Variants in SCEL observed in about 807,000 individuals in gnomAD.
SCEL encodes sciellin.
Under a neutral mutation model 117.6 loss-of-function variants are expected in SCEL, and 113 were observed. The ratio of observed to expected loss-of-function variants is 0.96; its 90% CI spans 0.83 to 1.12. SCEL has a LOEUF of 1.12. SCEL is among the 50% of genes most tolerant of loss of function. The pLI, the probability that SCEL is intolerant of heterozygous loss-of-function variation, is 0.00. For synonymous variants in SCEL, 270 were observed against 256.2 expected (o/e 1.05, Z -0.51); for missense variants, 785 against 810.8 (o/e 0.97, Z 0.39).
At chr13:77,553,894 G>A (rs79382226) in intron 1 of SCEL, among the ~76,000 whole-genome samples, 1,540 of 152,206 alleles carry the variant, frequency 0.01, 14 homozygotes, top group Non-Finnish European at 0.016. Flanking sequence ...GACACAGTCA[G>A]TAAACAGCAT....
intron 13 of SCEL, 108 bp from the exon 14 acceptor site, chr13:77,599,221 C>A: frequency 1.3e-6 from 1 of 741,814 alleles, no homozygotes; most frequent in East Asian, 2.7e-5. Flanking sequence ...TCATCTTCCC[C>A]AACAAGCTTC....
intron 3 of SCEL, among the ~76,000 whole-genome samples, chr13:77,559,537 A>G (rs946607949): frequency 1.3e-5 from 2 of 152,144 alleles, no homozygotes; most frequent in Non-Finnish European, 2.9e-5. Context: ...ACACAACACA[A>G]CACAACACAA....
At chr13:77,562,849 C>G (rs535087718) in intron 4 of SCEL, among the ~76,000 whole-genome samples, 1 of 152,292 alleles carries the variant, frequency 6.6e-6, no homozygotes, top group Admixed American at 6.5e-5. Context: ...TATGCCACAT[C>G]AACTTTAAAA....
intron 1 of SCEL, among the ~76,000 whole-genome samples, chr13:77,541,787 T>G (rs75354288): frequency 0.065 from 9,847 of 152,260 alleles, 565 homozygotes; most frequent in African/African-American, 0.16. Flanking sequence ...ATGTTCTAAA[T>G]ATAGTGAGAA....
rs1192487358 is a variant in SCEL, at chr13:77,628,162, A to ATG, written c.1691+161_1691+162dup. On this transcript the variant is annotated intron_variant, in intron 28 of 32. Transcript: ENST00000349847. ...TGTGTATGTATATGTGTGTATATAT[A>ATG]TGTGTGTGTATATATATATATATAT... Among the ~76,000 whole-genome samples, 178 of 89,938 alleles carry ATG rather than the reference A, an allele frequency of 2.0e-3. 3 individuals carry two copies. Among genetic ancestry groups the ATG allele is most frequent in the Middle Eastern group, 0.013 (2 of 160 alleles). 59.0% of individuals were successfully genotyped at this position (89,938 alleles called of 152,430 possible).
At chr13:77,600,098 T>G (rs983403700) in intron 15 of SCEL, 1 of 200,848 alleles carries the variant, frequency 5.0e-6, no homozygotes, top group African/African-American at 2.3e-5. Flanking sequence ...ACATTTATAT[T>G]AAGGCATTTA....
chr13:77,570,821 C>G (rs1001610810), intron 8 of SCEL, among the ~76,000 whole-genome samples: 1 of 152,104 alleles, frequency 6.6e-6, no homozygotes, highest in African/African-American at 2.4e-5. Flanking sequence ...AATATTTTTA[C>G]TTGTCAGAGT....
Position 77,637,151 on chromosome 13 carries a change from A to C in SCEL, c.1795A>C (p.Ile599Leu). The part of the protein sequence containing the change: ...KSPKDGYQEN[I>L]SGKYIQTVYS... ...ACCCAAGGATGGATATCAGGAGAAT[A>C]TCTCTGGAAAATACATACAAACTGT... Residue 599 changes from isoleucine (I) to leucine (L), a missense_variant, in exon 30 of 33, where the codon ATC becomes CTC. Transcript: ENST00000349847. 1 of 1,559,952 alleles carries C rather than the reference A, an allele frequency of 6.4e-7. No individual in the cohort carries two copies. Among genetic ancestry groups the C allele is most frequent in the Non-Finnish European group, 8.7e-7 (1 of 1,153,978 alleles).
At chr13:77,564,970 A>C (rs535595614) in intron 5 of SCEL, among the ~76,000 whole-genome samples, 1 of 152,352 alleles carries the variant, frequency 6.6e-6, no homozygotes, top group South Asian at 2.1e-4. Flanking sequence ...ACAGCGGTGC[A>C]TAGAGAAGAG....
intron 1 of SCEL, among the ~76,000 whole-genome samples, chr13:77,539,089 A>G (rs7320719): frequency 0.34 from 51,599 of 152,006 alleles, 8,913 homozygotes; most frequent in African/African-American, 0.42. Context: ...AAAGAAATTT[A>G]TATACAAATG....
At chr13:77,628,413 C>T (rs1204364540) in intron 28 of SCEL, among the ~76,000 whole-genome samples, 2 of 151,922 alleles carry the variant, frequency 1.3e-5, no homozygotes, top group Non-Finnish European at 2.9e-5. Context: ...GAATCTCTTC[C>T]TTGGATGCCT....
At chr13:77,641,230 C>T (rs2090543579) in intron 31 of SCEL, among the ~76,000 whole-genome samples, 1 of 152,158 alleles carries the variant, frequency 6.6e-6, no homozygotes. Flanking sequence ...CTTTTGAGAG[C>T]ATAATTAGTG....
intron 23 of SCEL, 68 bp from the exon 24 acceptor site, chr13:77,613,825 T>C: frequency 8.3e-7 from 1 of 1,211,760 alleles, no homozygotes; most frequent in Middle Eastern, 1.9e-4. Context: ...ATTGAATGAC[T>C]TGCACCTGTC....
At chr13:77,607,516 C>A (rs946289516) in intron 19 of SCEL, among the ~76,000 whole-genome samples, 7 of 152,128 alleles carry the variant, frequency 4.6e-5, no homozygotes, top group African/African-American at 1.7e-4. Context: ...TTATAAGTAC[C>A]AGAAGCAATT....
rs1307772767 is a variant in SCEL, at chr13:77,613,775, GGA to G, written c.1389-117_1389-116del. On this transcript the variant is annotated intron_variant, in intron 23 of 32. Transcript: ENST00000349847. ...AAATGGTAACTAATATATATAAATT[GGA>G]AACTCAGTAAACTTATGAGTTCTTA... The G allele has an allele frequency of 2.3e-5, 18 of 783,038 alleles. 1 individual carries two copies. The highest frequency in any genetic ancestry group is 1.5e-4 in the South Asian group (10 of 65,062). 48.5% of individuals were successfully genotyped at this position (783,038 alleles called of 1,614,324 possible).
chr13:77,543,804 C>G (rs189107540), intron 1 of SCEL, among the ~76,000 whole-genome samples: 1 of 152,036 alleles, frequency 6.6e-6, no homozygotes, highest in East Asian at 1.9e-4. Flanking sequence ...ACTTTTTAGT[C>G]GAGTAAATTT....
intron 26 of SCEL, 33 bp downstream of exon 26, chr13:77,617,895 T>C (rs747081021): frequency 6.3e-7 from 1 of 1,586,874 alleles, no homozygotes; most frequent in Non-Finnish European, 8.6e-7. Context: ...CATGTTTTTA[T>C]TTGTCTGTTG....
intron 11 of SCEL, 105 bp from the exon 12 acceptor site, chr13:77,593,409 C>T (rs2154400480): frequency 1.4e-5 from 11 of 774,204 alleles, no homozygotes; most frequent in East Asian, 5.5e-5. Context: ...TCCTGAACAC[C>T]ACCTAGACTA....
intron 1 of SCEL, among the ~76,000 whole-genome samples, chr13:77,553,323 C>A (rs2084453970): frequency 6.6e-6 from 1 of 152,162 alleles, no homozygotes; most frequent in Middle Eastern, 3.2e-3. Flanking sequence ...TTTTGTCTCA[C>A]AATTGCATTT....
Sources: gnomAD v4.1 joint callset for allele counts (sites outside exome capture counted in the v4.1 genomes callset) on GRCh38, gnomAD v4.1.1 for gene constraint, MANE v1.5 for transcripts, NCBI Gene and HGNC (gene_info 2026-07-23, HGNC 2026-07-21) for gene names.